Variants in DISP1 observed in about 807,000 individuals in gnomAD.
DISP1 encodes the protein protein dispatched homolog 1.
In DISP1, 30 loss-of-function variants were observed where a neutral mutation model predicts 37.3. The ratio of observed to expected loss-of-function variants is 0.80; its 90% confidence interval spans 0.60 to 1.09. DISP1 has a LOEUF of 1.09. DISP1 is among the 50% of genes least tolerant of loss of function. The pLI is 0.00. For synonymous variants in DISP1, 634 were observed against 690.2 expected, an observed-to-expected ratio of 0.92 and a Z score of 1.28; for missense variants, 1,598 against 1,879.5, an observed-to-expected ratio of 0.85 and a Z score of 2.77.
intron 4 of DISP1, among the ~76,000 whole-genome samples, chr1:222,990,184 G>A (rs988251667): frequency 5.9e-5 from 9 of 152,184 alleles, no homozygotes; most frequent in Non-Finnish European, 1.3e-4. Context: ...GAGTAAAGGT[G>A]TGGAGAAAGG....
intron 2 of DISP1, among the ~76,000 whole-genome samples, chr1:222,934,962 CTG>C (rs752612121): frequency 2.6e-5 from 4 of 152,140 alleles, no homozygotes; most frequent in Non-Finnish European, 5.9e-5. Context: ...TTTCTGTCAA[CTG>C]TTATCATTTC....
intron 3 of DISP1, among the ~76,000 whole-genome samples, chr1:222,982,572 A>G (rs566387992): frequency 8.0e-4 from 122 of 152,346 alleles, no homozygotes; most frequent in African/African-American, 2.9e-3. Flanking sequence ...TATCTGTTGA[A>G]GTAGATTGTG....
chr1:222,971,776 G>A (rs905384489), intron 3 of DISP1, among the ~76,000 whole-genome samples: 7 of 151,996 alleles, frequency 4.6e-5, no homozygotes, highest in African/African-American at 1.7e-4. Context: ...TTTCAGAAAT[G>A]CAAACATATC....
At chr1:222,897,832 A>T (rs1189755774) in intron 1 of DISP1, among the ~76,000 whole-genome samples, 1 of 152,186 alleles carries the variant, frequency 6.6e-6, no homozygotes, top group Non-Finnish European at 1.5e-5. Context: ...TACAGAGGCT[A>T]AAGTACTTGG....
At chr1:222,921,012 A>G (rs916809762) in intron 1 of DISP1, among the ~76,000 whole-genome samples, 1 of 152,156 alleles carries the variant, frequency 6.6e-6, no homozygotes, top group Non-Finnish European at 1.5e-5. Flanking sequence ...CATATTTGCT[A>G]CTATAAGATT....
At chr1:222,853,599 T>G (rs1260766253) in intron 1 of DISP1, among the ~76,000 whole-genome samples, 1 of 152,176 alleles carries the variant, frequency 6.6e-6, no homozygotes, top group Non-Finnish European at 1.5e-5. Flanking sequence ...GCAACATGGA[T>G]GGAGCTGGAG....
At chr1:222,942,361 G>T (rs1188975144) in intron 2 of DISP1, among the ~76,000 whole-genome samples, 1 of 152,046 alleles carries the variant, frequency 6.6e-6, no homozygotes, top group African/African-American at 2.4e-5. Flanking sequence ...TTTTAACCTT[G>T]TACAATGAAT....
rs760875536 is a variant in DISP1, at chr1:223,002,701, A to G, written c.1304A>G (p.Asp435Gly). 1.9e-6 allele frequency: 3 copies of G among 1,614,100 alleles called. No individual in the cohort carries two copies. The highest frequency in any genetic ancestry group is 1.1e-5 in the South Asian group (1 of 91,068). ...ATCCTCCATTACTTGGTGGACAAAG[A>G]CTTTATGACCCCAAAGACGGCTGAC... ...YQILHYLVDK[D>G]FMTPKTADYA... The change falls in exon 9 of 9, where the codon GAC (aspartate) becomes GGC (glycine). Residue 435 changes from aspartate to glycine, a missense_variant. Asp to Gly is a moderately conservative substitution (Grantham distance 94). Transcript: ENST00000675850.
At chr1:222,950,612 C>A (rs1444677935) in intron 3 of DISP1, among the ~76,000 whole-genome samples, 3 of 149,428 alleles carry the variant, frequency 2.0e-5, no homozygotes, top group African/African-American at 4.9e-5. Context: ...AAAAAAAAAA[C>A]CCATGTGAGA....
At position 223,005,585 on chromosome 1, in the gene DISP1, C is replaced by T; in HGVS notation, c.4188C>T (p.Cys1396=). 3 of 1,614,058 alleles carry T rather than the reference C, an allele frequency of 1.9e-6. No homozygotes were observed. Among genetic ancestry groups the T allele is most frequent in the Non-Finnish European group, 1.7e-6 (2 of 1,180,038 alleles). ...PKMAEPSSFV[C]RSTGSLLKTC... is the part of the protein sequence containing the mutation. ...TGGCAGAGCCATCGTCATTTGTCTG[C>T]AGAAGCACTGGATCGTTACTCAAAA... Residue 1396 remains cysteine, a synonymous_variant, in exon 9 of 9, where the codon TGC becomes TGT. Coordinates refer to ENST00000675850, the MANE Select transcript of DISP1 (RefSeq NM_001377229.1).
intron 8 of DISP1, among the ~76,000 whole-genome samples, chr1:222,998,227 T>C (rs116431099): frequency 0.015 from 2,206 of 151,714 alleles, 30 homozygotes; most frequent in Non-Finnish European, 0.022. Flanking sequence ...TACTTGGCAG[T>C]TGTTCCTCTC....
chr1:222,878,994 C>T (rs899255271), intron 1 of DISP1, among the ~76,000 whole-genome samples: 1 of 152,016 alleles, frequency 6.6e-6, no homozygotes, highest in Non-Finnish European at 1.5e-5. Context: ...TTAATTAATG[C>T]ATGTTTATTT....
At chr1:222,875,168 C>T (rs1669888664) in intron 1 of DISP1, among the ~76,000 whole-genome samples, 1 of 151,834 alleles carries the variant, frequency 6.6e-6, no homozygotes, top group Non-Finnish European at 1.5e-5. Flanking sequence ...TCATGATGTG[C>T]CTTAAATTTA....
chr1:222,889,000 G>T (rs1238406444), intron 1 of DISP1, among the ~76,000 whole-genome samples: 1 of 152,030 alleles, frequency 6.6e-6, no homozygotes, highest in Non-Finnish European at 1.5e-5. Context: ...TGATTACTTG[G>T]AATATCCATC....
intron 1 of DISP1, among the ~76,000 whole-genome samples, chr1:222,910,050 ATGT>A (rs1164646378): frequency 2.6e-5 from 4 of 152,226 alleles, no homozygotes; most frequent in African/African-American, 4.8e-5. Context: ...AATATCCCTA[ATGT>A]TGTCCTTCTA....
At chr1:222,903,505 A>G (rs900067231) in intron 1 of DISP1, among the ~76,000 whole-genome samples, 21 of 152,072 alleles carry the variant, frequency 1.4e-4, no homozygotes, top group African/African-American at 5.1e-4. Flanking sequence ...TAAAAAGTAA[A>G]TACTAAATTT....
intron 3 of DISP1, among the ~76,000 whole-genome samples, chr1:222,948,615 G>A (rs1051211048): frequency 3.9e-5 from 6 of 152,156 alleles, no homozygotes; most frequent in African/African-American, 7.2e-5. Context: ...TTTCTTTATT[G>A]TGGTTTATTG....
chr1:222,988,573 TTCTC>T (rs71802054), intron 4 of DISP1, among the ~76,000 whole-genome samples: 38,599 of 150,452 alleles, frequency 0.26, 5,232 homozygotes, highest in Admixed American at 0.3. Context: ...AGATTTCTCT[TTCTC>T]TCTCTCTTTC....
intron 1 of DISP1, among the ~76,000 whole-genome samples, chr1:222,833,732 C>G (rs898434831): frequency 3.3e-5 from 5 of 152,118 alleles, no homozygotes; most frequent in Non-Finnish European, 7.3e-5. Context: ...TTGACAGAAG[C>G]CAGATTGATT....
Sources: allele counts gnomAD v4.1 joint callset (sites outside exome capture counted in the v4.1 genomes callset), GRCh38; gene constraint gnomAD v4.1.1; transcripts MANE v1.5; gene names NCBI Gene and HGNC (gene_info 2026-07-23, HGNC 2026-07-21).